Variants in UNC13C observed in about 807,000 individuals in gnomAD.
UNC13C encodes the protein protein unc-13 homolog C.
A neutral mutation model predicts 245.4 loss-of-function variants in UNC13C; 174 were observed. The ratio of observed to expected loss-of-function variants is 0.71; its 90% confidence interval spans 0.63 to 0.80. The LOEUF (loss-of-function observed/expected upper bound fraction) is 0.80. UNC13C is among the 30% of genes least tolerant of loss of function. UNC13C has a pLI of 0.00. For missense variants in UNC13C, 2,829 were observed against 2,602.9 expected, an observed-to-expected ratio of 1.09 and a Z score of -1.89; for synonymous variants, 992 against 895.1, an observed-to-expected ratio of 1.11 and a Z score of -1.93.
intron 17 of UNC13C, among the ~76,000 whole-genome samples, chr15:54,373,487 G>A (rs1244026654): frequency 6.6e-6 from 1 of 152,162 alleles, no homozygotes; most frequent in African/African-American, 2.4e-5. Context: ...AGGCACACTG[G>A]CTGTGGTGGG....
chr15:54,057,734 A>G (rs1436923835), intron 2 of UNC13C, among the ~76,000 whole-genome samples: 9 of 152,208 alleles, frequency 5.9e-5, no homozygotes, highest in Non-Finnish European at 1.0e-4. Context: ...CAGAAAATGT[A>G]AAAGAATAGA....
chr15:54,606,516 A>G (rs1899774445), intron 30 of UNC13C, among the ~76,000 whole-genome samples: 1 of 152,180 alleles, frequency 6.6e-6, no homozygotes, highest in Non-Finnish European at 1.5e-5. Flanking sequence ...AAGAAACTTG[A>G]GCTATGCAAG....
In UNC13C at chr15:54,015,106, G is replaced by A. The variant is rs149972563; in HGVS notation, c.2203G>A (p.Val735Ile). Reference sequence around the variant, plus strand: ...GGATAATGAACCACAAGGCCAGTGGGTTGGCCAATATGATTCTTATCAGGG... The same window carrying A: ...GGATAATGAACCACAAGGCCAGTGGATTGGCCAATATGATTCTTATCAGGG... The part of the protein sequence containing the change: ...GLDNEPQGQW[V>I]GQYDSYQGAN... The change falls in exon 2 of 33, where the codon GTT becomes ATT. Residue 735 changes from valine to isoleucine, a missense_variant. Transcript: ENST00000260323. The A allele has an allele frequency of 4.8e-4, 780 of 1,612,662 alleles. No homozygotes were observed. Among genetic ancestry groups the A allele is most frequent in the Non-Finnish European group, 6.0e-4 (703 of 1,179,366 alleles).
At chr15:54,514,819 A>G (rs1208826309) in intron 24 of UNC13C, among the ~76,000 whole-genome samples, 3 of 152,182 alleles carry the variant, frequency 2.0e-5, no homozygotes, top group African/African-American at 7.2e-5. Context: ...GCTTAACACC[A>G]TGATGATCGT....
intron 17 of UNC13C, among the ~76,000 whole-genome samples, chr15:54,381,892 C>A (rs201742265): frequency 6.6e-6 from 1 of 152,116 alleles, no homozygotes. Context: ...ACTGAACTTG[C>A]GACCAAATGA....
chr15:53,951,628 C>G, the UNC13C span, among the ~76,000 whole-genome samples: 1 of 152,200 alleles, frequency 6.6e-6, no homozygotes. Flanking sequence ...AAGCAACTTG[C>G]TTAATCTAGC....
intron 8 of UNC13C, among the ~76,000 whole-genome samples, chr15:54,256,402 C>T (rs2036279867): frequency 6.6e-6 from 1 of 152,188 alleles, no homozygotes; most frequent in Admixed American, 6.5e-5. Context: ...GAAGCCACAG[C>T]TTTACAGTAG....
rs2414303 is a variant in UNC13C, at chr15:54,428,181, T to A, written c.4933+13114T>A. On this transcript the variant is annotated intron_variant, in intron 19 of 32. Transcript: ENST00000260323. ...GATATCTCTTTAATTCTAAAACATCTTTCTACTGTTTCTTTGTTTTGATCT... is the reference window on the plus strand; with the variant it reads ...GATATCTCTTTAATTCTAAAACATCATTCTACTGTTTCTTTGTTTTGATCT... Among the ~76,000 whole-genome samples the A allele has an allele frequency of 8.1e-3, 1,227 of 151,930 alleles. 12 individuals carry two copies. The highest frequency in any genetic ancestry group is 0.029 in the African/African-American group (1,186 of 41,516).
At chr15:54,033,133 G>A (rs1595742746) in intron 2 of UNC13C, among the ~76,000 whole-genome samples, 1 of 151,576 alleles carries the variant, frequency 6.6e-6, no homozygotes, top group Non-Finnish European at 1.5e-5. Context: ...AAAACCTATG[G>A]AAATAAAAAA....
the UNC13C span, among the ~76,000 whole-genome samples, chr15:53,852,302 T>C: frequency 6.6e-6 from 1 of 152,178 alleles, no homozygotes; most frequent in Non-Finnish European, 1.5e-5. Context: ...AAAACACTTT[T>C]GAGTGTGTTT....
chr15:53,925,740 A>G, the UNC13C span, among the ~76,000 whole-genome samples: 1 of 152,178 alleles, frequency 6.6e-6, no homozygotes, highest in Admixed American at 6.5e-5. Context: ...ACACCAGACT[A>G]TTATTTACCA....
the UNC13C span, among the ~76,000 whole-genome samples, chr15:53,843,416 C>T: frequency 3.3e-5 from 5 of 152,180 alleles, no homozygotes; most frequent in African/African-American, 7.2e-5. Flanking sequence ...GAGCTGTGAG[C>T]GTGCCACTGC....
chr15:53,980,557 G>T (rs552363237), intron 1 of UNC13C, among the ~76,000 whole-genome samples: 1 of 152,200 alleles, frequency 6.6e-6, no homozygotes, highest in Non-Finnish European at 1.5e-5. Flanking sequence ...TTACAAAATT[G>T]TATTTTCAAA....
intron 5 of UNC13C, among the ~76,000 whole-genome samples, chr15:54,236,111 TG>T (rs1411217167): frequency 6.6e-6 from 1 of 152,112 alleles, no homozygotes; most frequent in African/African-American, 2.4e-5. Context: ...ATATGTGATA[TG>T]AAAAATATAT....
intron 17 of UNC13C, among the ~76,000 whole-genome samples, chr15:54,370,416 G>T (rs1323619135): frequency 6.6e-6 from 1 of 152,066 alleles, no homozygotes; most frequent in East Asian, 1.9e-4. Context: ...TAGACATATA[G>T]ATTTACTTAC....
At chr15:54,269,414 A>C (rs1050824309) in intron 10 of UNC13C, among the ~76,000 whole-genome samples, 1 of 152,188 alleles carries the variant, frequency 6.6e-6, no homozygotes, top group African/African-American at 2.4e-5. Context: ...AAACAGTATG[A>C]GAGCCAACAT....
Position 54,449,789 on chromosome 15 carries a change from C to T in UNC13C, c.4933+34722C>T, listed in dbSNP as rs531623887. ...TTCTCTCAGCTCATCAGTCATTCTC[C>T]GTCCAGCTTTGTTCCACTGCTGGTG... is the stretch of plus-strand genomic sequence containing the variant. On this transcript the variant is annotated intron_variant, in intron 19 of 32. Coordinates refer to ENST00000260323, the MANE Select transcript of UNC13C (RefSeq NM_001080534.3). Among the ~76,000 whole-genome samples the T allele has an allele frequency of 1.2e-4, 18 of 152,338 alleles. No homozygotes were observed. In the South Asian group the frequency reaches 2.5e-3, roughly 21 times the overall value.
Position 54,398,478 on chromosome 15 carries a change from A to G in UNC13C, c.4847+5297A>G, listed in dbSNP as rs373396668. Among the ~76,000 whole-genome samples, 8 of 151,398 alleles carry G rather than the reference A, an allele frequency of 5.3e-5. No homozygotes were observed. In the East Asian group the frequency reaches 1.3e-3, roughly 26 times the overall value. On this transcript the variant is annotated intron_variant, in intron 18 of 32. Coordinates refer to ENST00000260323, the MANE Select transcript of UNC13C (RefSeq NM_001080534.3). ...GATGGTTTTATAGAAAGAGTTAGACAGTATTTCCTCCAGTATAATTTGCCA... is the reference window on the plus strand; with the variant it reads ...GATGGTTTTATAGAAAGAGTTAGACGGTATTTCCTCCAGTATAATTTGCCA...
the UNC13C span, among the ~76,000 whole-genome samples, chr15:53,859,729 C>T: frequency 6.6e-6 from 1 of 152,168 alleles, no homozygotes; most frequent in Non-Finnish European, 1.5e-5. Flanking sequence ...CCAGGGAAGA[C>T]AGTTCTAGGC....
Sources: allele counts gnomAD v4.1 joint callset (sites outside exome capture counted in the v4.1 genomes callset), GRCh38; gene constraint gnomAD v4.1.1; transcripts MANE v1.5; gene names NCBI Gene and HGNC (gene_info 2026-07-23, HGNC 2026-07-21).